HYDIN: variants seen among roughly 807,000 people sequenced by gnomAD.
HYDIN encodes the protein axonemal central pair apparatus protein HYDIN.
In HYDIN, 132 loss-of-function variants were observed where a neutral mutation model predicts 403.9. That is an observed-to-expected ratio of 0.33 (90% CI 0.28 to 0.38). The LOEUF (loss-of-function observed/expected upper bound fraction) is 0.38. Ranked by LOEUF, HYDIN falls within the 10% of genes least tolerant of loss-of-function variation. HYDIN has a pLI of 1.00. For synonymous variants in HYDIN, 1,202 were observed against 1,891.7 expected, an observed-to-expected ratio of 0.64 and a Z score of 9.46; for missense variants, 2,827 against 5,009.5, an observed-to-expected ratio of 0.56 and a Z score of 13.15.
intron 1 of HYDIN, among the ~76,000 whole-genome samples, chr16:71,209,480 GAAC>G (rs1428638649): frequency 6.6e-6 from 1 of 151,804 alleles, no homozygotes; most frequent in African/African-American, 2.4e-5. Context: ...TTGAAACCTG[GAAC>G]AACTCAAAGG....
chr16:71,053,809 T>C (rs1231479677), intron 18 of HYDIN, among the ~76,000 whole-genome samples: 2 of 152,096 alleles, frequency 1.3e-5, no homozygotes, highest in African/African-American at 4.8e-5. Flanking sequence ...GGATCTGAGG[T>C]AAATAAATGT....
At position 71,133,429 on chromosome 16, in the gene HYDIN, G is replaced by A. The variant is rs1286349314; in HGVS notation, c.1044-3606C>T. 3.5e-5 allele frequency: 13 copies of A among 370,800 alleles called. No homozygotes were observed. The East Asian group carries it at 6.5e-4, about 19-fold the overall frequency. The allele number at this position is 370,800 out of a possible 1,614,324, so 23.0% of individuals were successfully genotyped here. A position where few individuals can be genotyped will look rare whatever the true frequency, so the allele number is the denominator to read the frequency against. On this transcript the variant is annotated intron_variant, in intron 8 of 85. Transcript: ENST00000393567. Reference sequence around the variant, plus strand: ...TGTATAAACCCTAGGGAAGGAAAGGGGCCTCTAAACATAACTGAGATTAAG... The same window carrying A: ...TGTATAAACCCTAGGGAAGGAAAGGAGCCTCTAAACATAACTGAGATTAAG...
intron 83 of HYDIN, among the ~76,000 whole-genome samples, chr16:70,821,467 A>G (rs569834932): frequency 9.9e-5 from 15 of 152,160 alleles, no homozygotes; most frequent in African/African-American, 3.6e-4. Flanking sequence ...GTGGATAAAG[A>G]ATTTTTAGAT....
At chr16:70,976,244 T>C (rs1387761112) in intron 30 of HYDIN, among the ~76,000 whole-genome samples, 1 of 152,266 alleles carries the variant, frequency 6.6e-6, no homozygotes, top group African/African-American at 2.4e-5. Flanking sequence ...GTTGGCTCTA[T>C]AGGAGGGGCA....
At chr16:71,110,283 TAATA>T (rs1258690666) in intron 10 of HYDIN, among the ~76,000 whole-genome samples, 3 of 144,764 alleles carry the variant, frequency 2.1e-5, no homozygotes, top group Non-Finnish European at 3.0e-5. Context: ...ACATAATATA[TAATA>T]GATATAATAA....
intron 5 of HYDIN, among the ~76,000 whole-genome samples, chr16:71,169,182 T>C (rs1463541151): frequency 6.6e-6 from 1 of 152,070 alleles, no homozygotes; most frequent in Non-Finnish European, 1.5e-5. Context: ...TCCTAGTACT[T>C]TGGGAGGCTA....
chr16:71,106,099 A>C (rs947006421), intron 10 of HYDIN, among the ~76,000 whole-genome samples: 1 of 151,822 alleles, frequency 6.6e-6, no homozygotes, highest in Admixed American at 6.6e-5. Context: ...CTGGCATCCA[A>C]GGGCAGCCCT....
chr16:71,106,799 T>C (rs2083632656), intron 10 of HYDIN, among the ~76,000 whole-genome samples: 1 of 149,198 alleles, frequency 6.7e-6, no homozygotes, highest in African/African-American at 2.5e-5. Flanking sequence ...CATTACTAAA[T>C]TGTATTGTTT....
At chr16:70,985,140 G>C in intron 28 of HYDIN, 45 bp downstream of exon 28, 1 of 1,588,562 alleles carries the variant, frequency 6.3e-7, no homozygotes, top group Non-Finnish European at 8.6e-7. Flanking sequence ...GCTTCGGAGT[G>C]GGGCTCGTAG....
chr16:70,834,030 C>T lies in HYDIN; in HGVS notation c.13536G>A (p.Leu4512=), dbSNP rs2037196909. 3.7e-6 allele frequency: 6 copies of T among 1,605,910 alleles called. No individual in the cohort carries two copies. The East Asian group carries it at 1.3e-4, about 36-fold the overall frequency. ...EEVFMECMGL[L]RPLFLLSGCC... is the part of the protein sequence containing the mutation. ...AGCCGCTAAGGAGGAAGAGGGGGCGCAGGAGCCCCATGCATTCCATGAACA... is the reference window on the plus strand; with the variant it reads ...AGCCGCTAAGGAGGAAGAGGGGGCGTAGGAGCCCCATGCATTCCATGAACA... Residue 4512 remains leucine (L), a synonymous_variant, in exon 79 of 86, where the codon CTG becomes CTA. Coordinates refer to ENST00000393567, the MANE Select transcript of HYDIN (RefSeq NM_001270974.2).
chr16:70,971,557 G>C (rs1024234950), intron 35 of HYDIN, among the ~76,000 whole-genome samples: 2 of 152,114 alleles, frequency 1.3e-5, no homozygotes, highest in Non-Finnish European at 2.9e-5. Context: ...CAGATGCCTA[G>C]GTTATTCTGG....
At chr16:70,955,628 G>C (rs1269451167) in intron 39 of HYDIN, 80 bp from the exon 40 acceptor site, 1 of 620,546 alleles carries the variant, frequency 1.6e-6, no homozygotes, top group South Asian at 1.9e-5. Context: ...CAAGAGCAGA[G>C]GTCCCTGCAA....
intron 1 of HYDIN, among the ~76,000 whole-genome samples, chr16:71,222,070 A>C (rs2040830747): frequency 6.6e-6 from 1 of 152,166 alleles, no homozygotes; most frequent in Non-Finnish European, 1.5e-5. Context: ...ACATGGCTCC[A>C]CTGGAGTCTT....
At chr16:71,070,025 G>A (rs560250532) in intron 13 of HYDIN, among the ~76,000 whole-genome samples, 127 of 152,272 alleles carry the variant, frequency 8.3e-4, no homozygotes, top group Non-Finnish European at 1.4e-3. Flanking sequence ...TGGGTATCAC[G>A]CTCTTAGGGC....
intron 83 of HYDIN, among the ~76,000 whole-genome samples, chr16:70,818,921 T>C (rs77119840): frequency 1.3e-5 from 2 of 152,218 alleles, no homozygotes; most frequent in Non-Finnish European, 2.9e-5. Context: ...GCTTTCTTTC[T>C]TTCTTTCTTT....
chr16:71,208,372 C>T (rs756562053), intron 1 of HYDIN, among the ~76,000 whole-genome samples: 3 of 152,104 alleles, frequency 2.0e-5, no homozygotes, highest in Admixed American at 6.5e-5. Context: ...AGAACAAAGA[C>T]ACAACATGCC....
chr16:71,165,039 C>T lies in HYDIN; in HGVS notation c.517-2309G>A, dbSNP rs1325307937. Among the ~76,000 whole-genome samples, 5 of 152,118 alleles carry T rather than the reference C, an allele frequency of 3.3e-5. No individual in the cohort carries two copies. The Middle Eastern group carries it at 0.01, about 310-fold the overall frequency. On this transcript the variant is annotated intron_variant, in intron 5 of 85. Coordinates refer to ENST00000393567, the MANE Select transcript of HYDIN (RefSeq NM_001270974.2). ...CCCGCCACCCTGGTCCTAGCCACTC[C>T]GATCTTTCCCAGGCTAACAGGACTT...
intron 38 of HYDIN, among the ~76,000 whole-genome samples, chr16:70,961,129 G>A (rs1474047604): frequency 1.3e-5 from 2 of 151,948 alleles, no homozygotes; most frequent in Non-Finnish European, 1.5e-5. Context: ...TTTCTTCTAC[G>A]TGGGATGTCC....
intron 45 of HYDIN, among the ~76,000 whole-genome samples, chr16:70,927,949 TA>T (rs796753706): frequency 3.3e-3 from 434 of 132,622 alleles, no homozygotes; most frequent in Non-Finnish European, 4.1e-3. Context: ...AACCTGTACC[TA>T]AAAAAAAAAA....
Sources: gnomAD v4.1 joint callset for allele counts (sites outside exome capture counted in the v4.1 genomes callset) on GRCh38, gnomAD v4.1.1 for gene constraint, MANE v1.5 for transcripts, NCBI Gene and HGNC (gene_info 2026-07-23, HGNC 2026-07-21) for gene names.